FURIN: variants seen among roughly 807,000 people sequenced by gnomAD.
FURIN encodes furin, paired basic amino acid cleaving enzyme.
FURIN carries 18 observed loss-of-function variants against 89.2 expected under a neutral mutation model. The observed-to-expected ratio is 0.20, with a 90% confidence interval of 0.14 to 0.30. The LOEUF is 0.30. Ranked by LOEUF, FURIN falls within the 10% of genes least tolerant of loss-of-function variation. FURIN has a pLI of 1.00. For synonymous variants in FURIN, 508 were observed against 466.4 expected (o/e 1.09, Z -1.15); for missense variants, 879 against 1,100.5 (o/e 0.80, Z 2.85).
chr15:90,876,681 G>A lies in FURIN; in HGVS notation c.372+124G>A. The A allele has an allele frequency of 1.2e-6, 1 of 827,042 alleles. No homozygotes were observed. Among genetic ancestry groups the A allele is most frequent in the Non-Finnish European group, 2.0e-6 (1 of 495,092 alleles). 51.2% of individuals were successfully genotyped at this position (827,042 alleles called of 1,614,324 possible). Reference sequence around the variant, plus strand: ...GATTCGTTTCCTTTCCTCCTGCTGGGCAGTCTCTCCTTGGCCCATCCTAAT... The same window carrying A: ...GATTCGTTTCCTTTCCTCCTGCTGGACAGTCTCTCCTTGGCCCATCCTAAT... On this transcript the variant is annotated intron_variant, in intron 4 of 15. Transcript: ENST00000268171. The surrounding 1 kb of genome is among the most constrained non-coding windows in gnomAD (Gnocchi z 5.0).
At chr15:90,871,824 C>T (rs1167508154) in intron 1 of FURIN, among the ~76,000 whole-genome samples, 2 of 149,842 alleles carry the variant, frequency 1.3e-5, no homozygotes, top group African/African-American at 4.9e-5. Flanking sequence ...CCGGAACTGG[C>T]CCCGGGGCCG....
In FURIN at chr15:90,880,135, C is replaced by G. The variant is rs372744828; in HGVS notation, c.1418C>G (p.Ala473Gly). Residue 473 changes from alanine to glycine, a missense_variant, in exon 13 of 16, where the codon GCG (alanine) becomes GGG (glycine). By Grantham distance (60) the Ala-to-Gly change is moderately conservative. Coordinates refer to ENST00000268171, the MANE Select transcript of FURIN (RefSeq NM_002569.4). Reference sequence around the variant, plus strand: ...CTCGAGGTGCGGAAGACCGTGACCGCGTGCCTGGGCGAGCCCAACCACATC... The same window carrying G: ...CTCGAGGTGCGGAAGACCGTGACCGGGTGCCTGGGCGAGCCCAACCACATC... The part of the protein sequence containing the change: ...KRLEVRKTVT[A>G]CLGEPNHITR... The G allele has an allele frequency of 3.1e-6, 5 of 1,609,870 alleles. No homozygotes were observed. In the African/African-American group the frequency reaches 6.7e-5, roughly 21 times the overall value.
intron 1 of FURIN, among the ~76,000 whole-genome samples, chr15:90,874,504 G>T (rs866461373): frequency 6.6e-6 from 1 of 152,242 alleles, no homozygotes; most frequent in Middle Eastern, 3.2e-3. Flanking sequence ...ATAGAGGGAG[G>T]TGAAGCCTCT....
chr15:90,883,220 CCTTTT>C lies in FURIN; in HGVS notation c.*1350_*1354del, dbSNP rs771725792. 1.4e-4 allele frequency: 22 copies of C among 152,870 alleles called. No homozygotes were observed. Among genetic ancestry groups the C allele is most frequent in the African/African-American group, 2.2e-4 (9 of 41,574 alleles). 9.5% of individuals were successfully genotyped at this position (152,870 alleles called of 1,614,324 possible). ...TCAGTCCCCTCCCATCTGGGAGTCC[CCTTTT>C]CTTTTCTACCCTAGCCATTCCTGGT... On this transcript the variant is annotated 3_prime_UTR_variant, in exon 16 of 16. Transcript: ENST00000268171.
Position 90,880,199 on chromosome 15 carries a change from C to T in FURIN, c.1482C>T (p.Ser494=), listed in dbSNP as rs139869646. Reference sequence around the variant, plus strand: ...ACGCTCAGGCGCGGCTCACCCTGTCCTATAATCGCCGTGGCGACCTGGCCA... The same window carrying T: ...ACGCTCAGGCGCGGCTCACCCTGTCTTATAATCGCCGTGGCGACCTGGCCA... ...LEHAQARLTL[S]YNRRGDLAIH... The change falls in exon 13 of 16, where the codon TCC becomes TCT. Residue 494 remains serine (S), a synonymous_variant. Transcript: ENST00000268171. 34 of 1,612,756 alleles carry T rather than the reference C, an allele frequency of 2.1e-5. No homozygotes were observed. The African/African-American group carries it at 2.8e-4, about 13-fold the overall frequency.
At chr15:90,873,957 G>T (rs913835089) in intron 1 of FURIN, among the ~76,000 whole-genome samples, 1 of 152,216 alleles carries the variant, frequency 6.6e-6, no homozygotes, top group Admixed American at 6.5e-5. Context: ...GAAGCAAGGA[G>T]TTTTCTGTGG....
Position 90,876,619 on chromosome 15 carries a change from C to G in FURIN, c.372+62C>G. On this transcript the variant is annotated intron_variant, in intron 4 of 15. Coordinates refer to ENST00000268171, the MANE Select transcript of FURIN (RefSeq NM_002569.4). The surrounding 1 kb of genome is among the most constrained non-coding windows in gnomAD (Gnocchi z 5.0). ...AGATGCACCATCCACCCACTATGAG[C>G]TCTTGGATGGAGGAGGCTGTCTTCG... 9.1e-7 allele frequency: 1 copy of G among 1,104,516 alleles called. No homozygotes were observed. Among genetic ancestry groups the G allele is most frequent in the Non-Finnish European group, 1.4e-6 (1 of 723,104 alleles). 68.4% of individuals were successfully genotyped at this position (1,104,516 alleles called of 1,614,324 possible).
rs201142022 is a variant in FURIN, at chr15:90,881,699, C to T, written c.2206C>T (p.Leu736=). 6.4e-5 allele frequency: 102 copies of T among 1,590,662 alleles called. No homozygotes were observed. In the East Asian group the frequency reaches 1.8e-3, roughly 28 times the overall value. The change falls in exon 16 of 16, where the codon CTG becomes TTG. Residue 736 remains leucine (L), a synonymous_variant. Transcript: ENST00000268171. This position sits in a 1 kb window ranked among gnomAD's most constrained non-coding sequence, Gnocchi z 4.3. ...GGTCTTCGTCACTGTCTTCCTGGTC[C>T]TGCAGCTGCGCTCTGGCTTTAGTTT... is the stretch of plus-strand genomic sequence containing the variant. ...VLVFVTVFLV[L]QLRSGFSFRG...
intron 10 of FURIN, 45 bp downstream of exon 10, chr15:90,879,589 C>A: frequency 2.6e-6 from 4 of 1,547,040 alleles, no homozygotes; most frequent in Non-Finnish European, 3.6e-6. Flanking sequence ...TACCAGCACT[C>A]TCTGTAGGGC....
chr15:90,880,140 C>A lies in FURIN; in HGVS notation c.1423C>A (p.Leu475Met), dbSNP rs752731004. 6.2e-7 allele frequency: 1 copy of A among 1,610,696 alleles called. No individual in the cohort carries two copies. The highest frequency in any genetic ancestry group is 1.3e-5 in the African/African-American group (1 of 74,912). Residue 475 changes from leucine to methionine, a missense_variant, in exon 13 of 16, where the codon CTG (leucine) becomes ATG (methionine). Physicochemically the swap from Leu to Met is conservative, Grantham distance 15. Coordinates refer to ENST00000268171, the MANE Select transcript of FURIN (RefSeq NM_002569.4). ...LEVRKTVTACLGEPNHITRLE... is the reference protein window; with the variant it reads ...LEVRKTVTACMGEPNHITRLE... ...GGTGCGGAAGACCGTGACCGCGTGC[C>A]TGGGCGAGCCCAACCACATCACTCG...
rs557382838 is a variant in FURIN at position 90,879,096 on chromosome 15, C to T, written c.1053+120C>T. 622 of 658,636 alleles carry T rather than the reference C, an allele frequency of 9.4e-4. 8 individuals carry two copies. In the South Asian group the frequency reaches 0.011, roughly 12 times the overall value. The allele number at this position is 658,636 out of a possible 1,614,324, so 40.8% of individuals were successfully genotyped here. On this transcript the variant is annotated intron_variant, in intron 9 of 15. Coordinates refer to ENST00000268171, the MANE Select transcript of FURIN (RefSeq NM_002569.4). ...TGTGGCTGGGTGATAGTGGCTCAGG[C>T]ATCATGCAACATGAACTCTGGGGCT...
At position 90,881,817 on chromosome 15, in the gene FURIN, C is replaced by T; in HGVS notation, c.2324C>T (p.Ser775Leu). Residue 775 changes from serine (S) to leucine (L), a missense_variant, in exon 16 of 16, where the codon TCA becomes TTA. Transcript: ENST00000268171. This position sits in a 1 kb window ranked among gnomAD's most constrained non-coding sequence, Gnocchi z 4.3. ...EAWQEECPSD[S>L]EEDEGRGERT... is the part of the protein sequence containing the mutation. ...TGGCAGGAGGAGTGCCCGTCTGACT[C>T]AGAAGAGGACGAGGGCCGGGGCGAG... 6.2e-7 allele frequency: 1 copy of T among 1,613,552 alleles called. No individual in the cohort carries two copies. The highest frequency in any genetic ancestry group is 8.5e-7 in the Non-Finnish European group (1 of 1,179,984).
chr15:90,879,823 C>T, intron 11 of FURIN, 44 bp from the exon 12 acceptor site: 1 of 1,605,158 alleles, frequency 6.2e-7, no homozygotes, highest in Non-Finnish European at 8.5e-7. Flanking sequence ...AGGTAGAAGG[C>T]ACTCTGTGCC....
rs2032095211 is a variant in FURIN at position 90,883,025 on chromosome 15, T to C, written c.*1147T>C. 2 of 152,576 alleles carry C rather than the reference T, an allele frequency of 1.3e-5. No individual in the cohort carries two copies. The highest frequency in any genetic ancestry group is 2.4e-5 in the African/African-American group (1 of 41,502). The allele number at this position is 152,576 out of a possible 1,614,324, so 9.5% of individuals were successfully genotyped here. A position where few individuals can be genotyped will look rare whatever the true frequency, so the allele number is the denominator to read the frequency against. On this transcript the variant is annotated 3_prime_UTR_variant, in exon 16 of 16. Coordinates refer to ENST00000268171, the MANE Select transcript of FURIN (RefSeq NM_002569.4). ...CTGACATCTGTGTTTCAAGTGGGGC[T>C]CGCCATGCCGGGGGTTCATAGGTCA...
In FURIN at chr15:90,882,007, C is replaced by T; in HGVS notation, c.*129C>T. 4.3e-6 allele frequency: 3 copies of T among 698,872 alleles called. No individual in the cohort carries two copies. In the South Asian group the frequency reaches 5.7e-5, roughly 13 times the overall value. The allele number at this position is 698,872 out of a possible 1,614,324, so 43.3% of individuals were successfully genotyped here. On this transcript the variant is annotated 3_prime_UTR_variant, in exon 16 of 16. Transcript: ENST00000268171. ...GGCAAGAGGGGTGGAGACTGCTTCCCATCCTACCCTCGGGCCCACCTGGCC... is the reference window on the plus strand; with the variant it reads ...GGCAAGAGGGGTGGAGACTGCTTCCTATCCTACCCTCGGGCCCACCTGGCC...
At chr15:90,877,717 G>T in intron 7 of FURIN, 102 bp downstream of exon 7, 1 of 782,766 alleles carries the variant, frequency 1.3e-6, no homozygotes, top group Non-Finnish European at 2.1e-6. Context: ...TCCCACTGTG[G>T]ATCCTTTGAT....
intron 1 of FURIN, chr15:90,872,836 C>T (rs888343689): frequency 1.3e-5 from 2 of 152,340 alleles, no homozygotes; most frequent in Non-Finnish European, 1.5e-5. Context: ...CTCCCGTGGC[C>T]TGCTCTGTGG....
chr15:90,870,897 A>AT (rs1293103931), intron 1 of FURIN, among the ~76,000 whole-genome samples: 2 of 152,252 alleles, frequency 1.3e-5, no homozygotes, highest in African/African-American at 4.8e-5. Context: ...AATCATGTAC[A>AT]TAAGAAGGAG....
At chr15:90,875,945 AGGGG>A (rs1168616550) in intron 2 of FURIN, 28 bp downstream of exon 2, 1 of 1,523,344 alleles carries the variant, frequency 6.6e-7, no homozygotes, top group Admixed American at 2.0e-5. Flanking sequence ...GGACACTGCC[AGGGG>A]GTGGGACCAG....
Sources: gnomAD v4.1 joint callset for allele counts (sites outside exome capture counted in the v4.1 genomes callset) on GRCh38, gnomAD v4.1.1 for gene constraint, Gnocchi (gnomAD v3.1) non-coding constraint, MANE v1.5 for transcripts, NCBI Gene and HGNC (gene_info 2026-07-23, HGNC 2026-07-21) for gene names.